The following SCEL variants were observed in gnomAD, a reference collection of about 807,000 sequenced individuals.
SCEL encodes sciellin.
SCEL carries 113 observed loss-of-function variants against 117.6 expected under a neutral mutation model. The observed-to-expected ratio is 0.96, with a 90% confidence interval of 0.83 to 1.12. SCEL has a LOEUF of 1.12. Among genes scored for constraint, SCEL ranks in the 50% most tolerant of loss-of-function variants. The pLI, the probability that SCEL is intolerant of heterozygous loss-of-function variation, is 0.00. For missense variants in SCEL, 785 were observed against 810.8 expected, an observed-to-expected ratio of 0.97 and a Z score of 0.39; for synonymous variants, 270 against 256.2, an observed-to-expected ratio of 1.05 and a Z score of -0.51.
At chr13:77,599,840 C>T in intron 15 of SCEL, 92 bp downstream of exon 15, 1 of 900,070 alleles carries the variant, frequency 1.1e-6, no homozygotes, top group Non-Finnish European at 1.9e-6. Context: ...AAGGGTCAGG[C>T]AGGCTGGTGG....
chr13:77,593,533 A>G lies in SCEL; in HGVS notation c.712A>G (p.Ile238Val), dbSNP rs1233420452. ...TTGAAGGAGTCAGGATCTTGATAAC[A>G]TCGTCAAAGTGGCCACTTCACTTCA... ...RNIRSQDLDNIVKVATSLQRS... is the reference protein window; with the variant it reads ...RNIRSQDLDNVVKVATSLQRS... Residue 238 changes from isoleucine to valine, a missense_variant, in exon 12 of 33, where the codon ATC becomes GTC. By Grantham distance (29) the Ile-to-Val change is conservative (BLOSUM62 3). Coordinates refer to ENST00000349847, the MANE Select transcript of SCEL (RefSeq NM_144777.3). 2 of 1,613,092 alleles carry G rather than the reference A, an allele frequency of 1.2e-6. No individual in the cohort carries two copies. The highest frequency in any genetic ancestry group is 1.7e-6 in the Non-Finnish European group (2 of 1,179,328).
At chr13:77,624,100 C>CT (rs566206052) in intron 27 of SCEL, among the ~76,000 whole-genome samples, 2,285 of 120,308 alleles carry the variant, frequency 0.019, 97 homozygotes, top group East Asian at 0.12. Flanking sequence ...CTTGTCTTCA[C>CT]TTTTTTTTTT....
intron 28 of SCEL, among the ~76,000 whole-genome samples, chr13:77,634,015 G>T (rs749912333): frequency 6.6e-6 from 1 of 152,144 alleles, no homozygotes; most frequent in Non-Finnish European, 1.5e-5. Flanking sequence ...TCTACTTTTG[G>T]TTTGAGGTTT....
intron 19 of SCEL, among the ~76,000 whole-genome samples, chr13:77,606,883 CTG>C (rs551359663): frequency 2.6e-4 from 39 of 152,194 alleles, no homozygotes; most frequent in South Asian, 2.1e-3. Flanking sequence ...GTGGCATCCT[CTG>C]TAGATCAGAG....
chr13:77,630,967 G>A (rs375307229), intron 28 of SCEL, among the ~76,000 whole-genome samples: 3 of 152,142 alleles, frequency 2.0e-5, no homozygotes, highest in Non-Finnish European at 4.4e-5. Context: ...CTTCTGTTGC[G>A]CTGTTTCCCA....
At chr13:77,625,376 A>C (rs2089676781) in intron 27 of SCEL, among the ~76,000 whole-genome samples, 1 of 152,184 alleles carries the variant, frequency 6.6e-6, no homozygotes, top group Admixed American at 6.5e-5. Flanking sequence ...CCAAGACTCT[A>C]GTCACTATTT....
At chr13:77,629,436 A>G (rs532859752) in intron 28 of SCEL, among the ~76,000 whole-genome samples, 1 of 152,146 alleles carries the variant, frequency 6.6e-6, no homozygotes, top group Admixed American at 6.5e-5. Context: ...CTACCTCTTC[A>G]GGTACTTTAA....
chr13:77,639,801 C>T (rs964438386), intron 30 of SCEL, among the ~76,000 whole-genome samples: 1 of 151,986 alleles, frequency 6.6e-6, no homozygotes, highest in African/African-American at 2.4e-5. Context: ...TTTCACTACC[C>T]CATTACATAT....
At chr13:77,621,820 C>T (rs1276979172) in intron 27 of SCEL, among the ~76,000 whole-genome samples, 2 of 152,154 alleles carry the variant, frequency 1.3e-5, no homozygotes, top group Non-Finnish European at 2.9e-5. Flanking sequence ...GACTGGTCTC[C>T]TTGCTTGAGC....
chr13:77,546,943 G>A (rs192750680), intron 1 of SCEL, among the ~76,000 whole-genome samples: 134 of 152,260 alleles, frequency 8.8e-4, no homozygotes, highest in Non-Finnish European at 2.9e-4. Context: ...AAGAGTGGGG[G>A]AGCACAAAAG....
At chr13:77,591,315 A>C in intron 10 of SCEL, 80 bp from the exon 11 acceptor site, 1 of 874,762 alleles carries the variant, frequency 1.1e-6, no homozygotes, top group South Asian at 1.5e-5. Context: ...TTTGTACATA[A>C]ATTTTTTAAA....
At chr13:77,571,269 C>T (rs1237307488) in intron 8 of SCEL, among the ~76,000 whole-genome samples, 2 of 149,862 alleles carry the variant, frequency 1.3e-5, no homozygotes, top group African/African-American at 2.5e-5. Context: ...GGTGAAACCT[C>T]GTCCCAGCAA....
rs182642249 is a variant in SCEL, at chr13:77,612,567, C to T, written c.1338-324C>T. Among the ~76,000 whole-genome samples, 53 of 143,364 alleles carry T rather than the reference C, an allele frequency of 3.7e-4. No homozygotes were observed. The South Asian group carries it at 0.011, about 31-fold the overall frequency. The allele number at this position is 143,364 out of a possible 152,430, so 94.1% of individuals were successfully genotyped here. A position where few individuals can be genotyped will look rare whatever the true frequency, so the allele number is the denominator to read the frequency against. On this transcript the variant is annotated intron_variant, in intron 22 of 32. Coordinates refer to ENST00000349847, the MANE Select transcript of SCEL (RefSeq NM_144777.3). ...AATAATGAATAATTTTATATTTTCT[C>T]TCGTGCATTGTAACCTCCAGAAAAT...
chr13:77,626,467 C>G (rs1021399405), intron 27 of SCEL, among the ~76,000 whole-genome samples: 1 of 152,086 alleles, frequency 6.6e-6, no homozygotes, highest in Non-Finnish European at 1.5e-5. Flanking sequence ...TATGGTTTGG[C>G]TCTGTGTCCC....
intron 1 of SCEL, among the ~76,000 whole-genome samples, chr13:77,551,397 A>G (rs1447827460): frequency 4.6e-5 from 7 of 152,170 alleles, no homozygotes; most frequent in African/African-American, 1.7e-4. Flanking sequence ...TAACTCTTCA[A>G]ATTACTTTTT....
intron 23 of SCEL, among the ~76,000 whole-genome samples, chr13:77,613,347 C>T (rs2088803454): frequency 6.6e-6 from 1 of 152,098 alleles, no homozygotes. Context: ...ACATAATATT[C>T]TTATACTTGA....
At chr13:77,575,314 T>C (rs2085877004) in intron 9 of SCEL, among the ~76,000 whole-genome samples, 1 of 152,206 alleles carries the variant, frequency 6.6e-6, no homozygotes, top group Non-Finnish European at 1.5e-5. Flanking sequence ...TGTATATCTA[T>C]GCCTATGACT....
At chr13:77,609,710 G>A (rs1363707712) in intron 21 of SCEL, among the ~76,000 whole-genome samples, 2 of 152,180 alleles carry the variant, frequency 1.3e-5, no homozygotes, top group African/African-American at 4.8e-5. Flanking sequence ...CTGTGTCTCA[G>A]TTATTCCCTC....
chr13:77,563,797 A>ATTT (rs58662011), intron 4 of SCEL, 34 bp from the exon 5 acceptor site: 86 of 1,231,706 alleles, frequency 7.0e-5, no homozygotes, highest in Admixed American at 1.8e-4. Flanking sequence ...AATTGATTTG[A>ATTT]TTTTTTTTTT....
Sources: gnomAD v4.1 joint callset for allele counts (sites outside exome capture counted in the v4.1 genomes callset) on GRCh38, gnomAD v4.1.1 for gene constraint, MANE v1.5 for transcripts, NCBI Gene and HGNC (gene_info 2026-07-23, HGNC 2026-07-21) for gene names.